ELMO1: variants seen among roughly 807,000 people sequenced by gnomAD.
ELMO1 encodes the protein engulfment and cell motility protein 1.
In ELMO1, 26 loss-of-function variants were observed where a neutral mutation model predicts 98.9. The ratio of observed to expected loss-of-function variants is 0.26; its 90% CI spans 0.19 to 0.36. ELMO1 has a LOEUF of 0.36. ELMO1 is among the 10% of genes least tolerant of loss of function. ELMO1 has a pLI of 1.00. For missense variants in ELMO1, 627 were observed against 935.2 expected, an observed-to-expected ratio of 0.67 and a Z score of 4.30; for synonymous variants, 346 against 346.0, an observed-to-expected ratio of 1.00 and a Z score of 0.00.
chr7:37,443,774 C>G (rs1372128302), intron 1 of ELMO1, among the ~76,000 whole-genome samples: 1 of 152,196 alleles, frequency 6.6e-6, no homozygotes, highest in Non-Finnish European at 1.5e-5. Context: ...TGCAGGCTGG[C>G]TTTGCTGAAC....
At position 37,261,237 on chromosome 7, in the gene ELMO1, T is replaced by C. The variant is rs531671518; in HGVS notation, c.244-1887A>G. 2.1e-4 allele frequency among the ~76,000 whole-genome samples: 32 copies of C among 152,342 alleles called. 1 individual carries two copies. The highest frequency in any genetic ancestry group is 7.2e-4 in the African/African-American group (30 of 41,576). On this transcript the variant is annotated intron_variant, in intron 5 of 21. Coordinates refer to ENST00000310758, the MANE Select transcript of ELMO1 (RefSeq NM_014800.11). Reference sequence around the variant, plus strand: ...CAGGTAGGTCCTATCATAGGCTTTATTTGACAAAGGAAATTGAAGTTCAGG... The same window carrying C: ...CAGGTAGGTCCTATCATAGGCTTTACTTGACAAAGGAAATTGAAGTTCAGG...
At chr7:37,321,574 G>A (rs1045328537) in intron 2 of ELMO1, among the ~76,000 whole-genome samples, 6 of 151,520 alleles carry the variant, frequency 4.0e-5, no homozygotes, top group South Asian at 2.1e-4. Context: ...AAAATTAGCC[G>A]GGCGTGGTGG....
At chr7:37,264,097 G>A (rs780607027) in intron 5 of ELMO1, among the ~76,000 whole-genome samples, 3 of 152,144 alleles carry the variant, frequency 2.0e-5, no homozygotes, top group Non-Finnish European at 4.4e-5. Context: ...ACATCCTCAC[G>A]AGGCAATATT....
chr7:36,991,240 G>C (rs1791855871), intron 16 of ELMO1, among the ~76,000 whole-genome samples: 1 of 152,112 alleles, frequency 6.6e-6, no homozygotes, highest in African/African-American at 2.4e-5. Context: ...CCCTCTTATG[G>C]AATGCCCTCA....
intron 4 of ELMO1, among the ~76,000 whole-genome samples, chr7:37,272,726 G>C (rs1796638210): frequency 6.6e-6 from 1 of 151,770 alleles, no homozygotes. Context: ...GCTATAACAT[G>C]GATGAACCTT....
intron 6 of ELMO1, among the ~76,000 whole-genome samples, chr7:37,249,240 C>G (rs1270440894): frequency 6.6e-6 from 1 of 152,116 alleles, no homozygotes; most frequent in Non-Finnish European, 1.5e-5. Context: ...ATGGAGGGAA[C>G]CTGTTTCAAG....
intron 17 of ELMO1, among the ~76,000 whole-genome samples, chr7:36,888,450 G>C (rs1805237094): frequency 6.6e-6 from 1 of 152,092 alleles, no homozygotes. Flanking sequence ...TGGACAGGGA[G>C]ACCCAGAGCC....
At chr7:36,889,284 C>T (rs1805337996) in intron 17 of ELMO1, among the ~76,000 whole-genome samples, 1 of 152,158 alleles carries the variant, frequency 6.6e-6, no homozygotes, top group African/African-American at 2.4e-5. Context: ...GTAAAGCCTT[C>T]CCTGTACAGG....
chr7:37,421,012 AGTAT>A (rs1249569400), intron 1 of ELMO1, among the ~76,000 whole-genome samples: 1 of 152,230 alleles, frequency 6.6e-6, no homozygotes, highest in Non-Finnish European at 1.5e-5. Context: ...TCTGCCATGC[AGTAT>A]GTAAAAGTGA....
At chr7:37,443,960 C>T (rs1326912099) in intron 1 of ELMO1, among the ~76,000 whole-genome samples, 2 of 152,114 alleles carry the variant, frequency 1.3e-5, no homozygotes, top group Non-Finnish European at 1.5e-5. Context: ...CCTGGAGCAC[C>T]GTGGTGAGAT....
At chr7:36,972,769 ACTATAT>A (rs958367471) in intron 16 of ELMO1, among the ~76,000 whole-genome samples, 2 of 152,162 alleles carry the variant, frequency 1.3e-5, no homozygotes, top group African/African-American at 4.8e-5. Context: ...TATCTATATA[ACTATAT>A]CTATATCTAT....
chr7:37,109,655 T>C (rs939916631), intron 14 of ELMO1, among the ~76,000 whole-genome samples: 1 of 152,166 alleles, frequency 6.6e-6, no homozygotes, highest in African/African-American at 2.4e-5. Context: ...TCGTGTTTCC[T>C]AGGTGATGAC....
intron 1 of ELMO1, among the ~76,000 whole-genome samples, chr7:37,374,156 C>A (rs1228657675): frequency 6.6e-6 from 1 of 152,126 alleles, no homozygotes; most frequent in African/African-American, 2.4e-5. Flanking sequence ...AACAACAATA[C>A]AGGGTGCACA....
At chr7:37,184,855 T>C (rs1791101405) in intron 13 of ELMO1, among the ~76,000 whole-genome samples, 1 of 151,884 alleles carries the variant, frequency 6.6e-6, no homozygotes, top group South Asian at 2.1e-4. Flanking sequence ...GCCATGATCA[T>C]GCCACTGCAC....
intron 16 of ELMO1, among the ~76,000 whole-genome samples, chr7:36,912,501 A>C (rs1353820604): frequency 6.6e-6 from 1 of 152,136 alleles, no homozygotes; most frequent in Non-Finnish European, 1.5e-5. Flanking sequence ...ATCCAAACGG[A>C]TTTATTTTTG....
rs1024043640 is a variant in ELMO1, at chr7:36,918,993, TTCAG to T, written c.1438-23980_1438-23977del. Among the ~76,000 whole-genome samples the T allele has an allele frequency of 4.1e-3, 546 of 132,812 alleles. 11 individuals carry two copies. Among genetic ancestry groups the T allele is most frequent in the Admixed American group, 0.028 (363 of 12,980 alleles). 87.1% of individuals were successfully genotyped at this position (132,812 alleles called of 152,430 possible). On this transcript the variant is annotated intron_variant, in intron 16 of 21. Coordinates refer to ENST00000310758, the MANE Select transcript of ELMO1 (RefSeq NM_014800.11). ...ATGCCTTCATTCATTCATTCATTCATTCAGTCAGTCAGTCAGTCAGTTGGCACTT... is the reference window on the plus strand; with the variant it reads ...ATGCCTTCATTCATTCATTCATTCATTCAGTCAGTCAGTCAGTTGGCACTT...
chr7:37,002,813 T>C (rs1331327443), intron 16 of ELMO1, among the ~76,000 whole-genome samples: 4 of 152,228 alleles, frequency 2.6e-5, no homozygotes, highest in Non-Finnish European at 5.9e-5. Flanking sequence ...GGCATGGTGC[T>C]AGATACTTAG....
intron 16 of ELMO1, among the ~76,000 whole-genome samples, chr7:36,962,078 C>T (rs1788996385): frequency 6.6e-6 from 1 of 152,206 alleles, no homozygotes; most frequent in Admixed American, 6.5e-5. Context: ...CCTAAAATAA[C>T]CACACTGTAC....
intron 13 of ELMO1, among the ~76,000 whole-genome samples, chr7:37,208,625 C>T (rs1051675080): frequency 6.6e-6 from 1 of 152,160 alleles, no homozygotes; most frequent in African/African-American, 2.4e-5. Flanking sequence ...ATATCATCAG[C>T]CAGCTTTCAG....
Sources: gnomAD v4.1 joint callset for allele counts (sites outside exome capture counted in the v4.1 genomes callset) on GRCh38, gnomAD v4.1.1 for gene constraint, MANE v1.5 for transcripts, NCBI Gene and HGNC (gene_info 2026-07-23, HGNC 2026-07-21) for gene names.